CHSY3: variants seen among roughly 807,000 people sequenced by gnomAD.
The protein encoded by CHSY3 is N-acetylgalactosaminyl-proteoglycan 3-beta-glucuronosyltransferase 3.
Under a neutral mutation model 67.2 loss-of-function variants are expected in CHSY3, and 35 were observed. That is an observed-to-expected ratio of 0.52 (90% CI 0.40 to 0.69). CHSY3 has a LOEUF of 0.69. CHSY3 is among the 30% of genes least tolerant of loss of function. The pLI, the probability that CHSY3 is intolerant of heterozygous loss-of-function variation, is 0.00. For synonymous variants in CHSY3, 474 were observed against 434.7 expected (o/e 1.09, Z -1.12); for missense variants, 1,069 against 1,138.5 (o/e 0.94, Z 0.88).
chr5:130,163,477 C>G (rs976224897), intron 2 of CHSY3, among the ~76,000 whole-genome samples: 9 of 152,152 alleles, frequency 5.9e-5, no homozygotes, highest in Admixed American at 4.6e-4. Context: ...ATGACACTTT[C>G]CCTTCAACTT....
rs1764672898 is a variant in CHSY3 at position 130,030,388 on chromosome 5, C to A, written c.1086+122028C>A. Reference sequence around the variant, plus strand: ...TACACAAAATCCTGAATTTAAAAAACTGTATATGCTAAAAAAATTGTTTAT... The same window carrying A: ...TACACAAAATCCTGAATTTAAAAAAATGTATATGCTAAAAAAATTGTTTAT... On this transcript the variant is annotated intron_variant, in intron 2 of 2. Transcript: ENST00000305031. 2.0e-5 allele frequency among the ~76,000 whole-genome samples: 3 copies of A among 152,158 alleles called. No homozygotes were observed. The South Asian group carries it at 6.2e-4, about 32-fold the overall frequency.
intron 2 of CHSY3, among the ~76,000 whole-genome samples, chr5:130,070,528 C>G (rs998196169): frequency 6.6e-6 from 1 of 151,990 alleles, no homozygotes; most frequent in African/African-American, 2.4e-5. Flanking sequence ...AATGAAATAT[C>G]TTCTTAAGTA....
intron 2 of CHSY3, among the ~76,000 whole-genome samples, chr5:129,937,117 A>G (rs1408964396): frequency 6.6e-6 from 1 of 152,158 alleles, no homozygotes; most frequent in Non-Finnish European, 1.5e-5. Context: ...GTCCATTCTC[A>G]TACTGCTGTA....
chr5:129,908,370 G>A lies in CHSY3; in HGVS notation c.1086+10G>A. 1 of 1,612,626 alleles carries A rather than the reference G, an allele frequency of 6.2e-7. No individual in the cohort carries two copies. The highest frequency in any genetic ancestry group is 1.3e-5 in the African/African-American group (1 of 75,006). On this transcript the variant is annotated intron_variant, in intron 2 of 2. Coordinates refer to ENST00000305031, the MANE Select transcript of CHSY3 (RefSeq NM_175856.5). Reference sequence around the variant, plus strand: ...TGTCTGGTCTTACGAGGTAAGCATGGAGCTGTGATGAAAATGTTCACATAG... The same window carrying A: ...TGTCTGGTCTTACGAGGTAAGCATGAAGCTGTGATGAAAATGTTCACATAG...
chr5:129,918,699 A>G (rs1760812839), intron 2 of CHSY3, among the ~76,000 whole-genome samples: 1 of 152,158 alleles, frequency 6.6e-6, no homozygotes, highest in African/African-American at 2.4e-5. Context: ...GCATATGTAC[A>G]GGTGGGAGAT....
intron 2 of CHSY3, among the ~76,000 whole-genome samples, chr5:129,984,314 G>A (rs1763107658): frequency 6.6e-6 from 1 of 152,026 alleles, no homozygotes; most frequent in African/African-American, 2.4e-5. Context: ...ATTCAGTTTT[G>A]ATAATGGCTT....
At chr5:129,922,481 A>G (rs1342429305) in intron 2 of CHSY3, among the ~76,000 whole-genome samples, 5 of 152,208 alleles carry the variant, frequency 3.3e-5, no homozygotes, top group Admixed American at 6.5e-5. Context: ...TTTTCTCCAC[A>G]TTCTCACCAA....
chr5:130,159,281 C>T (rs249605), intron 2 of CHSY3, among the ~76,000 whole-genome samples: 60,288 of 151,244 alleles, frequency 0.4, 13,342 homozygotes, highest in Non-Finnish European at 0.5. Context: ...CCTCCCACCC[C>T]AGCCTCCCAA....
At chr5:129,997,513 CTTTTT>C (rs201881568) in intron 2 of CHSY3, among the ~76,000 whole-genome samples, 1 of 108,436 alleles carries the variant, frequency 9.2e-6, no homozygotes, top group East Asian at 3.0e-4. Flanking sequence ...ACATTTCACT[CTTTTT>C]TTTTAATACT....
chr5:130,106,881 G>A (rs1767427022), intron 2 of CHSY3, among the ~76,000 whole-genome samples: 1 of 151,528 alleles, frequency 6.6e-6, no homozygotes, highest in Non-Finnish European at 1.5e-5. Flanking sequence ...GCTAAGGAAG[G>A]TTCATAATTT....
chr5:130,062,116 C>CTATTGTG (rs200326038), intron 2 of CHSY3, among the ~76,000 whole-genome samples: 1,883 of 152,192 alleles, frequency 0.012, 33 homozygotes, highest in African/African-American at 0.043. Flanking sequence ...CTGTCCTATT[C>CTATTGTG]ACAATAGCAA....
At chr5:130,093,928 T>C (rs1370696755) in intron 2 of CHSY3, among the ~76,000 whole-genome samples, 2 of 152,176 alleles carry the variant, frequency 1.3e-5, no homozygotes, top group Non-Finnish European at 2.9e-5. Context: ...TTTCCTTCTC[T>C]TAACATTCTG....
intron 2 of CHSY3, among the ~76,000 whole-genome samples, chr5:130,100,906 A>G (rs1259969438): frequency 6.6e-6 from 1 of 152,238 alleles, no homozygotes; most frequent in Non-Finnish European, 1.5e-5. Flanking sequence ...TAAACTGTGC[A>G]AGAAATGAAA....
chr5:130,027,675 A>G (rs1301134475), intron 2 of CHSY3, among the ~76,000 whole-genome samples: 2 of 148,488 alleles, frequency 1.3e-5, no homozygotes, highest in East Asian at 4.0e-4. Context: ...CCTGTGTCCA[A>G]GTGTTCTCAT....
intron 2 of CHSY3, among the ~76,000 whole-genome samples, chr5:130,091,355 A>G (rs542991061): frequency 6.6e-5 from 10 of 152,196 alleles, no homozygotes; most frequent in Non-Finnish European, 1.3e-4. Flanking sequence ...TACCATTGTG[A>G]TTCTAAATGT....
intron 2 of CHSY3, among the ~76,000 whole-genome samples, chr5:129,989,629 A>G (rs1763302817): frequency 6.6e-6 from 1 of 152,174 alleles, no homozygotes; most frequent in South Asian, 2.1e-4. Flanking sequence ...CCTTTCTGCT[A>G]AATTAGCTTG....
chr5:130,133,933 G>A (rs771578924), intron 2 of CHSY3, among the ~76,000 whole-genome samples: 1 of 151,736 alleles, frequency 6.6e-6, no homozygotes, highest in East Asian at 1.9e-4. Context: ...TTTATTTTCA[G>A]TTATTTCATA....
At position 130,185,116 on chromosome 5, in the gene CHSY3, T is replaced by G. The variant is rs772473407; in HGVS notation, c.1974T>G (p.Leu658=). Residue 658 remains leucine (L), a synonymous_variant, in exon 3 of 3, where the codon CTT becomes CTG. Coordinates refer to ENST00000305031, the MANE Select transcript of CHSY3 (RefSeq NM_175856.5). ...PKQNVKLVII[L]FSRDSGQDSS... Reference sequence around the variant, plus strand: ...AGAATGTAAAGTTGGTCATTATCCTTTTCAGTAGGGATTCTGGCCAAGACT... The same window carrying G: ...AGAATGTAAAGTTGGTCATTATCCTGTTCAGTAGGGATTCTGGCCAAGACT... 32 of 1,598,466 alleles carry G rather than the reference T, an allele frequency of 2.0e-5. No individual in the cohort carries two copies. The Admixed American group carries it at 5.3e-4, about 27-fold the overall frequency.
chr5:129,950,798 A>G (rs1287208191), intron 2 of CHSY3, among the ~76,000 whole-genome samples: 1 of 152,224 alleles, frequency 6.6e-6, no homozygotes, highest in African/African-American at 2.4e-5. Flanking sequence ...TTTGTAGAAT[A>G]AATAACACAG....
Sources: gnomAD v4.1 joint callset for allele counts (sites outside exome capture counted in the v4.1 genomes callset) on GRCh38, gnomAD v4.1.1 for gene constraint, MANE v1.5 for transcripts, NCBI Gene and HGNC (gene_info 2026-07-23, HGNC 2026-07-21) for gene names.